GDI2: variants seen among roughly 807,000 people sequenced by gnomAD.
GDI2 encodes GDP dissociation inhibitor 2.
A neutral mutation model predicts 54.2 loss-of-function variants in GDI2; 22 were observed. The observed-to-expected ratio is 0.41, with a 90% CI of 0.29 to 0.58. GDI2 has a LOEUF of 0.58. Ranked by LOEUF, GDI2 falls within the 20% of genes least tolerant of loss-of-function variation. The pLI, the probability that GDI2 is intolerant of heterozygous loss-of-function variation, is 0.35. For missense variants in GDI2, 422 were observed against 546.0 expected, an observed-to-expected ratio of 0.77 and a Z score of 2.26; for synonymous variants, 177 against 182.1, an observed-to-expected ratio of 0.97 and a Z score of 0.23.
chr10:5,765,405 C>T lies in GDI2; in HGVS notation c.*601G>A, dbSNP rs1271056114. 1 of 152,710 alleles carries T rather than the reference C, an allele frequency of 6.5e-6. No homozygotes were observed. The highest frequency in any genetic ancestry group is 1.5e-5 in the Non-Finnish European group (1 of 68,102). The allele number at this position is 152,710 out of a possible 1,614,324, so 9.5% of individuals were successfully genotyped here. A position where few individuals can be genotyped will look rare whatever the true frequency, so the allele number is the denominator to read the frequency against. On this transcript the variant is annotated 3_prime_UTR_variant, in exon 11 of 11. Coordinates refer to ENST00000380191, the MANE Select transcript of GDI2 (RefSeq NM_001494.4). ...TTATGTTCGCTTCCTCTCCCCTTCT[C>T]TCTCATCAACTTTATTAGGTTAAAA...
chr10:5,796,343 C>T (rs1004199103), intron 3 of GDI2, among the ~76,000 whole-genome samples: 14 of 75,204 alleles, frequency 1.9e-4, no homozygotes, highest in East Asian at 2.6e-4. Context: ...AGCGAGACTC[C>T]GTCTCAAAAA....
chr10:5,788,877 C>T (rs1840940127), intron 4 of GDI2, among the ~76,000 whole-genome samples: 1 of 152,078 alleles, frequency 6.6e-6, no homozygotes, highest in African/African-American at 2.4e-5. Context: ...ATACTCCCAC[C>T]TAAGCATCCC....
At position 5,768,073 on chromosome 10, in the gene GDI2, G is replaced by A; in HGVS notation, c.991+140C>T. On this transcript the variant is annotated intron_variant, in intron 8 of 10. Coordinates refer to ENST00000380191, the MANE Select transcript of GDI2 (RefSeq NM_001494.4). This position sits in a 1 kb window ranked among gnomAD's most constrained non-coding sequence, Gnocchi z 4.4. ...CACAATGCTGCCGGAGCAGGAGGAG[G>A]TACAAAGATTTTTTTCCCCCATATG... 2 of 637,858 alleles carry A rather than the reference G, an allele frequency of 3.1e-6. No homozygotes were observed. The highest frequency in any genetic ancestry group is 5.5e-6 in the Non-Finnish European group (2 of 366,198). The allele number at this position is 637,858 out of a possible 1,614,324, so 39.5% of individuals were successfully genotyped here. A position where few individuals can be genotyped will look rare whatever the true frequency, so the allele number is the denominator to read the frequency against.
At chr10:5,808,569 G>C (rs1841423689) in intron 1 of GDI2, among the ~76,000 whole-genome samples, 1 of 151,516 alleles carries the variant, frequency 6.6e-6, no homozygotes, top group Non-Finnish European at 1.5e-5. Flanking sequence ...CCAACCACTT[G>C]GGAGCCTGAG....
chr10:5,777,998 A>G (rs1480838101), intron 6 of GDI2, among the ~76,000 whole-genome samples: 11 of 152,330 alleles, frequency 7.2e-5, no homozygotes, highest in African/African-American at 2.6e-4. Context: ...ACATGGATGA[A>G]GCTGGAAACC....
At chr10:5,789,805 T>C (rs1840970633) in intron 4 of GDI2, among the ~76,000 whole-genome samples, 1 of 152,232 alleles carries the variant, frequency 6.6e-6, no homozygotes, top group Non-Finnish European at 1.5e-5. Context: ...CAAAGAAAGA[T>C]GTAGTATTAA....
Position 5,766,540 on chromosome 10 carries a change from T to C in GDI2, c.1090A>G (p.Lys364Glu). ...AGCTCCAAAGCTGGTCTGATTTCCT[T>C]CTCAGGCTCCTTGGTTTCCACAGTT... ...STTVETKEPE[K>E]EIRPALELLE... Residue 364 changes from lysine to glutamate, a missense_variant, in exon 9 of 11, where the codon AAG (lysine) becomes GAG (glutamate). Lys to Glu is a moderately conservative substitution (Grantham distance 56, BLOSUM62 1). Transcript: ENST00000380191. The surrounding 1 kb of genome is among the most constrained non-coding windows in gnomAD (Gnocchi z 5.8). 1 of 1,613,966 alleles carries C rather than the reference T, an allele frequency of 6.2e-7. No homozygotes were observed. Among genetic ancestry groups the C allele is most frequent in the Non-Finnish European group, 8.5e-7 (1 of 1,179,918 alleles).
intron 8 of GDI2, among the ~76,000 whole-genome samples, chr10:5,767,053 A>C (rs1219794497): frequency 6.6e-6 from 1 of 152,220 alleles, no homozygotes; most frequent in Non-Finnish European, 1.5e-5. Context: ...GTAATGTAAA[A>C]CTGCAGAATC....
chr10:5,766,185 T>C lies in GDI2; in HGVS notation c.1192-33A>G, dbSNP rs1454593205. On this transcript the variant is annotated intron_variant, in intron 10 of 10. Transcript: ENST00000380191. The surrounding 1 kb of genome is among the most constrained non-coding windows in gnomAD (Gnocchi z 5.8). ...CAAAAATTACGAAGACTTAAGACCA[T>C]GGAGGGATGTCTTCCAGTGAAACCT... 2 of 1,612,346 alleles carry C rather than the reference T, an allele frequency of 1.2e-6. No individual in the cohort carries two copies. Among genetic ancestry groups the C allele is most frequent in the South Asian group, 1.1e-5 (1 of 91,046 alleles).
At chr10:5,802,362 A>AGGC (rs201690451) in intron 1 of GDI2, among the ~76,000 whole-genome samples, 5,330 of 152,270 alleles carry the variant, frequency 0.035, 323 homozygotes, top group African/African-American at 0.12. Flanking sequence ...GCACTTTGAG[A>AGGC]GGCCGAGGCG....
intron 1 of GDI2, among the ~76,000 whole-genome samples, chr10:5,805,217 T>G (rs1202071461): frequency 6.6e-6 from 1 of 152,088 alleles, no homozygotes; most frequent in Non-Finnish European, 1.5e-5. Flanking sequence ...ACCTGCCAAC[T>G]TGTTAGAAAT....
At chr10:5,808,616 T>C (rs1841424699) in intron 1 of GDI2, among the ~76,000 whole-genome samples, 1 of 142,176 alleles carries the variant, frequency 7.0e-6, no homozygotes, top group East Asian at 2.2e-4. Flanking sequence ...GCAGAGGTTG[T>C]AGTGAGCTGA....
At chr10:5,797,082 C>A (rs1841162680) in intron 2 of GDI2, among the ~76,000 whole-genome samples, 1 of 152,014 alleles carries the variant, frequency 6.6e-6, no homozygotes, top group Non-Finnish European at 1.5e-5. Context: ...ACAAATATGG[C>A]AGAAGTAAGG....
rs1410168627 is a variant in GDI2, at chr10:5,766,697, C to G, written c.992-59G>C. The G allele has an allele frequency of 1.4e-6, 2 of 1,383,668 alleles. No individual in the cohort carries two copies. The highest frequency in any genetic ancestry group is 2.3e-5 in the East Asian group (1 of 43,820). The allele number at this position is 1,383,668 out of a possible 1,614,324, so 85.7% of individuals were successfully genotyped here. On this transcript the variant is annotated intron_variant, in intron 8 of 10. Coordinates refer to ENST00000380191, the MANE Select transcript of GDI2 (RefSeq NM_001494.4). The surrounding 1 kb of genome is among the most constrained non-coding windows in gnomAD (Gnocchi z 5.8). ...GTGTCTCCATCTGGGACCCAACATACTCAGGTATCACCCATATGTCATGAG... is the reference window on the plus strand; with the variant it reads ...GTGTCTCCATCTGGGACCCAACATAGTCAGGTATCACCCATATGTCATGAG...
chr10:5,811,208 G>T (rs1841474723), intron 1 of GDI2, among the ~76,000 whole-genome samples: 1 of 152,084 alleles, frequency 6.6e-6, no homozygotes, highest in Non-Finnish European at 1.5e-5. Flanking sequence ...TAATGTGATT[G>T]TCCTGAATTG....
intron 6 of GDI2, among the ~76,000 whole-genome samples, chr10:5,779,462 C>T (rs1339243796): frequency 2.0e-5 from 3 of 150,412 alleles, no homozygotes; most frequent in Non-Finnish European, 3.0e-5. Context: ...GAGCTGAGAT[C>T]GCGCCACTGC....
At chr10:5,785,582 G>A (rs552417456) in intron 5 of GDI2, among the ~76,000 whole-genome samples, 1 of 152,164 alleles carries the variant, frequency 6.6e-6, no homozygotes, top group African/African-American at 2.4e-5. Context: ...CACCATGTTG[G>A]CCAGGCTGGT....
intron 6 of GDI2, among the ~76,000 whole-genome samples, chr10:5,782,776 A>T (rs1395034224): frequency 6.6e-6 from 1 of 152,192 alleles, no homozygotes; most frequent in Non-Finnish European, 1.5e-5. Flanking sequence ...ACTACTAAAT[A>T]TAAAAAATTA....
chr10:5,804,386 G>A (rs867214712), intron 1 of GDI2, among the ~76,000 whole-genome samples: 2 of 152,002 alleles, frequency 1.3e-5, no homozygotes, highest in Admixed American at 6.6e-5. Flanking sequence ...GAACCACTAC[G>A]CCCAGCCTGA....
Sources: gnomAD v4.1 joint callset for allele counts (sites outside exome capture counted in the v4.1 genomes callset) on GRCh38, gnomAD v4.1.1 for gene constraint, Gnocchi (gnomAD v3.1) non-coding constraint, MANE v1.5 for transcripts, NCBI Gene and HGNC (gene_info 2026-07-23, HGNC 2026-07-21) for gene names.